TTC21B: variants seen among roughly 807,000 people sequenced by gnomAD.
TTC21B encodes the protein tetratricopeptide repeat domain 21B, also known as tetratricopeptide repeat protein 21B.
In TTC21B, 127 loss-of-function variants were observed where a neutral mutation model predicts 175.1. The ratio of observed to expected loss-of-function variants is 0.73; its 90% CI spans 0.63 to 0.84. The LOEUF is 0.84. TTC21B is among the 40% of genes least tolerant of loss of function. The pLI is 0.00. For missense variants in TTC21B, 1,561 were observed against 1,558.3 expected (o/e 1.00, Z -0.03); for synonymous variants, 524 against 524.5 (o/e 1.00, Z 0.01).
chr2:165,878,177 G>A (rs1684730023), intron 27 of TTC21B, among the ~76,000 whole-genome samples: 1 of 152,076 alleles, frequency 6.6e-6, no homozygotes, highest in African/African-American at 2.4e-5. Flanking sequence ...ATTTTTTAAT[G>A]TAAGCATTCA....
chr2:165,911,523 A>G, intron 17 of TTC21B, 58 bp from the exon 18 acceptor site: 1 of 1,599,612 alleles, frequency 6.3e-7, no homozygotes, highest in Non-Finnish European at 8.6e-7. Context: ...ATTCAAGCAG[A>G]GCTATTTAAT....
intron 21 of TTC21B, 83 bp downstream of exon 21, chr2:165,899,687 C>T (rs780822804): frequency 1.0e-5 from 9 of 862,574 alleles, no homozygotes; most frequent in African/African-American, 5.0e-5. Context: ...CATGCCTCAT[C>T]ATCTAGTAGT....
At chr2:165,898,505 A>G (rs1559046072) in intron 22 of TTC21B, 181 bp downstream of exon 22, 1 of 658,654 alleles carries the variant, frequency 1.5e-6, no homozygotes, top group East Asian at 2.7e-5. Flanking sequence ...AAGTGAGACC[A>G]GTCAACAGTG....
chr2:165,910,332 A>C (rs931249887), intron 18 of TTC21B, among the ~76,000 whole-genome samples: 4 of 152,034 alleles, frequency 2.6e-5, no homozygotes, highest in Non-Finnish European at 5.9e-5. Flanking sequence ...GAGCCCGGGC[A>C]GCAGAGCTTG....
chr2:165,921,669 G>C (rs115880005), intron 12 of TTC21B, among the ~76,000 whole-genome samples: 2,233 of 152,112 alleles, frequency 0.015, 69 homozygotes, highest in African/African-American at 0.052. Flanking sequence ...CTTAACCTTT[G>C]ATGTTTGGCC....
At chr2:165,934,346 CA>C (rs1381818456) in intron 6 of TTC21B, among the ~76,000 whole-genome samples, 1 of 150,972 alleles carries the variant, frequency 6.6e-6, no homozygotes, top group Non-Finnish European at 1.5e-5. Context: ...ACTAAAAATA[CA>C]AAAAATTAGC....
intron 13 of TTC21B, among the ~76,000 whole-genome samples, chr2:165,917,699 G>A (rs538721796): frequency 6.6e-6 from 1 of 152,294 alleles, no homozygotes; most frequent in East Asian, 1.9e-4. Context: ...AGATGACAAA[G>A]AGGTTGATTA....
rs981784545 is a variant in TTC21B at position 165,886,668 on chromosome 2, C to T, written c.3459+1611G>A. The stretch of plus-strand genomic sequence containing the variant: ...CTTATCAACAGAAAGCAGGCATAGT[C>T]CTTCTAGGAAATAGCTGTAATATCA... On this transcript the variant is annotated intron_variant, in intron 25 of 28. Coordinates refer to ENST00000243344, the MANE Select transcript of TTC21B (RefSeq NM_024753.5). 3.5e-4 allele frequency among the ~76,000 whole-genome samples: 53 copies of T among 152,090 alleles called. 1 individual carries two copies. Among genetic ancestry groups the T allele is most frequent in the Non-Finnish European group, 4.4e-5 (3 of 68,012 alleles).
chr2:165,932,829 G>A (rs1184518324), intron 7 of TTC21B, 144 bp downstream of exon 7: 2 of 716,428 alleles, frequency 2.8e-6, no homozygotes, highest in African/African-American at 1.8e-5. Context: ...GTATACTCTA[G>A]TAATCAACTA....
chr2:165,908,001 G>A (rs1440149419), intron 18 of TTC21B, among the ~76,000 whole-genome samples: 3 of 151,706 alleles, frequency 2.0e-5, no homozygotes, highest in Non-Finnish European at 4.4e-5. Flanking sequence ...TTAAAGAACG[G>A]GTTAACAACT....
intron 19 of TTC21B, among the ~76,000 whole-genome samples, chr2:165,902,691 TTA>T (rs1157345541): frequency 1.6e-4 from 25 of 152,352 alleles, no homozygotes; most frequent in Middle Eastern, 3.4e-3. Flanking sequence ...TTTATGTGTT[TTA>T]GATTATACAC....
intron 11 of TTC21B, 50 bp downstream of exon 11, chr2:165,929,085 T>C: frequency 6.4e-7 from 1 of 1,560,026 alleles, no homozygotes. Context: ...AGTTCTTTCA[T>C]AAAACATCAA....
chr2:165,937,517 GCCT>G (rs1687194821), intron 6 of TTC21B, among the ~76,000 whole-genome samples: 1 of 152,040 alleles, frequency 6.6e-6, no homozygotes, highest in Non-Finnish European at 1.5e-5. Flanking sequence ...TAATTAGGCA[GCCT>G]ATCTATGTGT....
At chr2:165,897,212 A>G (rs1350065028) in intron 22 of TTC21B, among the ~76,000 whole-genome samples, 3 of 152,202 alleles carry the variant, frequency 2.0e-5, no homozygotes, top group African/African-American at 4.8e-5. Flanking sequence ...GCCATTTTCA[A>G]TGAAAGTATT....
At chr2:165,883,728 C>T (rs925203487) in intron 26 of TTC21B, 66 bp downstream of exon 26, 5 of 1,275,824 alleles carry the variant, frequency 3.9e-6, no homozygotes, top group Non-Finnish European at 5.7e-6. Context: ...TAACACTCAA[C>T]AATATCTATA....
chr2:165,946,189 A>G (rs76442255), intron 3 of TTC21B, among the ~76,000 whole-genome samples: 1 of 130,810 alleles, frequency 7.6e-6, no homozygotes, highest in Non-Finnish European at 1.7e-5. Flanking sequence ...AAAAAAAAAA[A>G]TTAGCCGGGC....
intron 1 of TTC21B, among the ~76,000 whole-genome samples, chr2:165,953,246 A>ACC (rs1687814625): frequency 6.6e-6 from 1 of 151,644 alleles, no homozygotes; most frequent in African/African-American, 2.4e-5. Flanking sequence ...TAAAATAACG[A>ACC]CCCCTCCACT....
intron 22 of TTC21B, among the ~76,000 whole-genome samples, chr2:165,895,922 A>G (rs13022554): frequency 0.25 from 38,762 of 152,102 alleles, 5,542 homozygotes; most frequent in Middle Eastern, 0.45. Flanking sequence ...GAAAGTGTTG[A>G]TATTACTGTA....
In TTC21B at chr2:165,883,812, C is replaced by T. The variant is rs776651888; in HGVS notation, c.3666G>A (p.Arg1222=). The T allele has an allele frequency of 5.6e-6, 9 of 1,613,732 alleles. No homozygotes were observed. The highest frequency in any genetic ancestry group is 1.1e-5 in the South Asian group (1 of 91,072). Residue 1222 remains arginine, a synonymous_variant, in exon 26 of 29, where the codon CGG becomes CGA. Coordinates refer to ENST00000243344, the MANE Select transcript of TTC21B (RefSeq NM_024753.5). Reference sequence around the variant, plus strand: ...CACCTACTCTATTATGACGCAGGCACCGTTTTAACAGGTCTTCTGCCATGT... The same window carrying T: ...CACCTACTCTATTATGACGCAGGCATCGTTTTAACAGGTCTTCTGCCATGT... ...KYDMAEDLLK[R]CLRHNRSCCK... is the part of the protein sequence containing the mutation.
Sources: allele counts gnomAD v4.1 joint callset (sites outside exome capture counted in the v4.1 genomes callset), GRCh38; gene constraint gnomAD v4.1.1; transcripts MANE v1.5; gene names NCBI Gene and HGNC (gene_info 2026-07-23, HGNC 2026-07-21).